The following PTTG1IP2 variants were observed in gnomAD, a reference collection of about 807,000 sequenced individuals.
PTTG1IP2 encodes the protein PTTG1IP family member 2.
Position 90,501,160 on chromosome 7 carries a change from T to C in PTTG1IP2, c.*50+6730T>C, listed in dbSNP as rs529059739. The stretch of plus-strand genomic sequence containing the variant: ...GAATGAAATTAACTGTGATAGTAAC[T>C]GAAAAAGGAAAGATATGTAAACATA... On this transcript the variant is annotated intron_variant, in intron 6 of 6. Transcript: ENST00000509356. Among the ~76,000 whole-genome samples, 6 of 152,206 alleles carry C rather than the reference T, an allele frequency of 3.9e-5. No homozygotes were observed. In the East Asian group the frequency reaches 7.7e-4, roughly 20 times the overall value.
chr7:90,512,176 T>G (rs955227971), intron 6 of PTTG1IP2, among the ~76,000 whole-genome samples: 17 of 152,218 alleles, frequency 1.1e-4, no homozygotes, highest in Non-Finnish European at 2.5e-4. Context: ...ATTGAGCTTT[T>G]GCCTTGTGCC....
intron 6 of PTTG1IP2, among the ~76,000 whole-genome samples, chr7:90,504,907 G>GTTGT (rs918428841): frequency 6.6e-6 from 1 of 152,090 alleles, no homozygotes; most frequent in Non-Finnish European, 1.5e-5. Context: ...AATACTCAGG[G>GTTGT]TTGTTTGTTT....
chr7:90,477,894 G>A (rs1797767821), intron 1 of PTTG1IP2, among the ~76,000 whole-genome samples: 1 of 151,836 alleles, frequency 6.6e-6, no homozygotes, highest in South Asian at 2.1e-4. Context: ...TCAGGAGATC[G>A]AGACCATCCT....
chr7:90,504,403 T>C (rs1178140104), intron 6 of PTTG1IP2, among the ~76,000 whole-genome samples: 1 of 152,124 alleles, frequency 6.6e-6, no homozygotes, highest in Non-Finnish European at 1.5e-5. Context: ...CCTAGAACAG[T>C]AAGAGATAAG....
chr7:90,507,255 C>G (rs17865376), intron 6 of PTTG1IP2, among the ~76,000 whole-genome samples: 7 of 152,176 alleles, frequency 4.6e-5, no homozygotes, highest in Admixed American at 3.9e-4. Context: ...AATAAAACCA[C>G]GTAAATGAAA....
intron 1 of PTTG1IP2, among the ~76,000 whole-genome samples, chr7:90,471,662 TC>T (rs1186748122): frequency 1.3e-5 from 2 of 152,184 alleles, no homozygotes; most frequent in Admixed American, 1.3e-4. Context: ...GTTGCCACTC[TC>T]CCTTAGAGGT....
At chr7:90,498,380 G>T (rs17867681) in intron 6 of PTTG1IP2, among the ~76,000 whole-genome samples, 38,554 of 152,008 alleles carry the variant, frequency 0.25, 5,325 homozygotes, top group East Asian at 0.5. Flanking sequence ...GGGGCTGAAT[G>T]GATTAAAAAA....
chr7:90,494,726 T>C (rs1034831957), intron 6 of PTTG1IP2, among the ~76,000 whole-genome samples: 1 of 152,144 alleles, frequency 6.6e-6, no homozygotes, highest in African/African-American at 2.4e-5. Context: ...TACAAAAAAA[T>C]TTAAAAATTA....
At chr7:90,494,459 T>G (rs1370320923) in intron 6 of PTTG1IP2, 29 bp downstream of exon 6, 2 of 152,204 alleles carry the variant, frequency 1.3e-5, no homozygotes, top group Non-Finnish European at 2.9e-5. Flanking sequence ...TTGCGTGAAT[T>G]TTCTGCATGC....
intron 1 of PTTG1IP2, among the ~76,000 whole-genome samples, chr7:90,474,898 A>T (rs2116045482): frequency 6.6e-6 from 1 of 152,368 alleles, no homozygotes; most frequent in African/African-American, 2.4e-5. Flanking sequence ...TCTCTTATAG[A>T]AAATGGCAAG....
intron 1 of PTTG1IP2, among the ~76,000 whole-genome samples, chr7:90,475,222 G>A (rs1797734234): frequency 1.3e-5 from 2 of 152,166 alleles, no homozygotes; most frequent in Admixed American, 6.5e-5. Flanking sequence ...GGGAGTAATT[G>A]TGACTATAGT....
chr7:90,506,177 A>G (rs1798122786), intron 6 of PTTG1IP2, among the ~76,000 whole-genome samples: 1 of 151,694 alleles, frequency 6.6e-6, no homozygotes, highest in African/African-American at 2.4e-5. Context: ...ACATTTTTGG[A>G]GTTATTTTTT....
At chr7:90,512,790 G>A (rs1395985276) in intron 6 of PTTG1IP2, among the ~76,000 whole-genome samples, 1 of 152,202 alleles carries the variant, frequency 6.6e-6, no homozygotes, top group South Asian at 2.1e-4. Flanking sequence ...TCTTTTGGAC[G>A]ATATTATTCT....
intron 6 of PTTG1IP2, among the ~76,000 whole-genome samples, chr7:90,509,926 C>T (rs770069166): frequency 5.3e-5 from 8 of 152,188 alleles, no homozygotes; most frequent in Admixed American, 3.9e-4. Flanking sequence ...GGTACTAAGA[C>T]GCACTTCACT....
chr7:90,485,659 A>G (rs1797865894), intron 2 of PTTG1IP2, among the ~76,000 whole-genome samples: 2 of 152,056 alleles, frequency 1.3e-5, no homozygotes, highest in Admixed American at 6.5e-5. Flanking sequence ...TCTCTTTTCC[A>G]TTATTCTCTG....
chr7:90,480,230 C>G (rs1409839044), intron 2 of PTTG1IP2, among the ~76,000 whole-genome samples: 9 of 152,162 alleles, frequency 5.9e-5, no homozygotes. Context: ...CATTCTCACT[C>G]CCTTATACTG....
intron 2 of PTTG1IP2, among the ~76,000 whole-genome samples, chr7:90,484,193 C>G (rs1416786184): frequency 6.6e-6 from 1 of 151,058 alleles, no homozygotes; most frequent in African/African-American, 2.4e-5. Flanking sequence ...TTCCCCGAAT[C>G]TGCTCTCCAT....
intron 6 of PTTG1IP2, among the ~76,000 whole-genome samples, chr7:90,503,517 A>G (rs1798084831): frequency 6.6e-6 from 1 of 152,164 alleles, no homozygotes; most frequent in Non-Finnish European, 1.5e-5. Context: ...CTAGCTTTTG[A>G]TTGAAAGTGA....
intron 1 of PTTG1IP2, among the ~76,000 whole-genome samples, chr7:90,472,420 T>C (rs1016519231): frequency 2.0e-5 from 3 of 151,840 alleles, no homozygotes; most frequent in Non-Finnish European, 2.9e-5. Flanking sequence ...AAATATTCAG[T>C]GAAACAAGCC....
Sources: gnomAD v4.1 joint callset for allele counts (sites outside exome capture counted in the v4.1 genomes callset) on GRCh38, gnomAD v4.1.1 for gene constraint, MANE v1.5 for transcripts, NCBI Gene and HGNC (gene_info 2026-07-23, HGNC 2026-07-21) for gene names.